The following NAALADL2 variants were observed in gnomAD, a reference collection of about 807,000 sequenced individuals.
The protein encoded by NAALADL2 is N-acetylated alpha-linked acidic dipeptidase like 2.
In NAALADL2, 76 loss-of-function variants were observed where a neutral mutation model predicts 87.2. That is an observed-to-expected ratio of 0.87 (90% CI 0.72 to 1.05). The LOEUF (loss-of-function observed/expected upper bound fraction) is 1.05. NAALADL2 is among the 50% of genes least tolerant of loss of function. The pLI is 0.00. For synonymous variants in NAALADL2, 354 were observed against 331.0 expected (o/e 1.07, Z -0.75); for missense variants, 1,089 against 945.8 (o/e 1.15, Z -1.99).
intron 1 of NAALADL2, among the ~76,000 whole-genome samples, chr3:174,999,546 G>A (rs1747954304): frequency 6.6e-6 from 1 of 152,084 alleles, no homozygotes; most frequent in African/African-American, 2.4e-5. Flanking sequence ...CCCTTAATTA[G>A]TGCCACTGTC....
intron 9 of NAALADL2, among the ~76,000 whole-genome samples, chr3:175,509,637 TA>T (rs1730853228): frequency 6.6e-6 from 1 of 152,192 alleles, no homozygotes; most frequent in Non-Finnish European, 1.5e-5. Flanking sequence ...ACTAACTACT[TA>T]AATGTTAAAT....
intron 1 of NAALADL2, among the ~76,000 whole-genome samples, chr3:174,444,212 A>T (rs915028989): frequency 1.3e-5 from 2 of 152,126 alleles, no homozygotes; most frequent in Admixed American, 1.3e-4. Context: ...AACAAGAGAG[A>T]CTATCTGTTG....
rs143175047 is a variant in NAALADL2 at position 175,656,053 on chromosome 3, C to T, written c.1896+28667C>T. 5.2e-3 allele frequency among the ~76,000 whole-genome samples: 795 copies of T among 152,260 alleles called. 7 individuals carry two copies. Among genetic ancestry groups the T allele is most frequent in the African/African-American group, 0.018 (760 of 41,552 alleles). On this transcript the variant is annotated intron_variant, in intron 11 of 13. Transcript: ENST00000454872. ...GGCTTATCTAATGTCCTTTGGCTAACGTCTCAAAGCTGGTTAATACTATAG... is the reference window on the plus strand; with the variant it reads ...GGCTTATCTAATGTCCTTTGGCTAATGTCTCAAAGCTGGTTAATACTATAG...
rs572515148 is a variant in NAALADL2, at chr3:174,939,165, A to G, written c.43+79715A>G. On this transcript the variant is annotated intron_variant, in intron 1 of 13. Transcript: ENST00000454872. ...GATTTTACTTTTAAGTCTTTAATCC[A>G]TCTTGGGTTGATTTTTGTATATGGT... Among the ~76,000 whole-genome samples the G allele has an allele frequency of 3.9e-5, 6 of 152,186 alleles. No homozygotes were observed. The South Asian group carries it at 1.0e-3, about 26-fold the overall frequency.
At chr3:174,526,974 C>A (rs1027233739) in intron 1 of NAALADL2, among the ~76,000 whole-genome samples, 22 of 152,000 alleles carry the variant, frequency 1.4e-4, no homozygotes, top group African/African-American at 4.4e-4. Context: ...CCGTGCCTGG[C>A]CTGAAATTTT....
chr3:174,462,475 A>G (rs1377372180), intron 1 of NAALADL2, among the ~76,000 whole-genome samples: 1 of 152,176 alleles, frequency 6.6e-6, no homozygotes, highest in Non-Finnish European at 1.5e-5. Context: ...TGCAGATACT[A>G]TGTATTTTTA....
intron 3 of NAALADL2, among the ~76,000 whole-genome samples, chr3:174,795,555 T>C (rs568735046): frequency 6.6e-6 from 1 of 152,278 alleles, no homozygotes; most frequent in African/African-American, 2.4e-5. Flanking sequence ...AGTATATATT[T>C]AGGAGTAGAA....
intron 2 of NAALADL2, among the ~76,000 whole-genome samples, chr3:175,207,205 G>T (rs1741073606): frequency 6.6e-6 from 1 of 152,046 alleles, no homozygotes; most frequent in Non-Finnish European, 1.5e-5. Flanking sequence ...ATTGTTGCAA[G>T]TATTTAAAGC....
intron 11 of NAALADL2, among the ~76,000 whole-genome samples, chr3:175,735,140 T>C (rs1309608764): frequency 2.0e-5 from 3 of 152,190 alleles, no homozygotes; most frequent in Non-Finnish European, 4.4e-5. Context: ...TCGACAAATC[T>C]CTAGGATGGG....
intron 5 of NAALADL2, among the ~76,000 whole-genome samples, chr3:175,444,503 T>G (rs1278336139): frequency 6.6e-6 from 1 of 152,152 alleles, no homozygotes; most frequent in Non-Finnish European, 1.5e-5. Flanking sequence ...GTACAACTAT[T>G]AGCATTCTTC....
intron 1 of NAALADL2, among the ~76,000 whole-genome samples, chr3:174,978,065 A>G (rs1490026335): frequency 6.6e-6 from 1 of 152,222 alleles, no homozygotes; most frequent in Non-Finnish European, 1.5e-5. Flanking sequence ...AGGAGGAAAC[A>G]AGCGTAGAAA....
intron 9 of NAALADL2, among the ~76,000 whole-genome samples, chr3:175,498,709 A>T (rs1263920877): frequency 2.6e-5 from 4 of 151,972 alleles, no homozygotes; most frequent in Admixed American, 6.6e-5. Flanking sequence ...CTTCCTGCTG[A>T]TTTACATTTT....
intron 3 of NAALADL2, among the ~76,000 whole-genome samples, chr3:174,816,238 C>G (rs957362634): frequency 1.8e-4 from 27 of 151,700 alleles, no homozygotes; most frequent in African/African-American, 6.0e-4. Context: ...TCCTCCTCTG[C>G]CTTCTCTCTC....
intron 11 of NAALADL2, among the ~76,000 whole-genome samples, chr3:175,666,104 T>G (rs1732952815): frequency 6.6e-6 from 1 of 152,150 alleles, no homozygotes; most frequent in African/African-American, 2.4e-5. Flanking sequence ...GAATAGAATC[T>G]AGATCTCCTG....
intron 2 of NAALADL2, among the ~76,000 whole-genome samples, chr3:175,132,465 G>A (rs1430438610): frequency 4.5e-5 from 1 of 22,402 alleles, no homozygotes; most frequent in East Asian, 2.1e-3. Flanking sequence ...CGGACGGGGC[G>A]GCTGGCTGGG....
intron 11 of NAALADL2, among the ~76,000 whole-genome samples, chr3:175,680,510 C>T (rs933008058): frequency 6.6e-6 from 1 of 152,154 alleles, no homozygotes; most frequent in Non-Finnish European, 1.5e-5. Context: ...TAGCTGGCTT[C>T]ATTTTTTAAA....
At chr3:174,982,002 C>T (rs943018090) in intron 1 of NAALADL2, among the ~76,000 whole-genome samples, 5 of 152,138 alleles carry the variant, frequency 3.3e-5, no homozygotes, top group Non-Finnish European at 5.9e-5. Flanking sequence ...CTTAAGAATA[C>T]GGTCACAACT....
intron 9 of NAALADL2, among the ~76,000 whole-genome samples, chr3:175,483,304 T>A (rs1726778449): frequency 6.6e-6 from 1 of 150,602 alleles, no homozygotes; most frequent in Non-Finnish European, 1.5e-5. Context: ...CAGATTTAAT[T>A]GCAATTGACT....
chr3:175,318,661 C>T (rs191934568), intron 4 of NAALADL2, among the ~76,000 whole-genome samples: 47 of 152,122 alleles, frequency 3.1e-4, no homozygotes, highest in African/African-American at 1.0e-3. Context: ...GCATATTTTG[C>T]ATACAGTAAA....
Sources: allele counts gnomAD v4.1 joint callset (sites outside exome capture counted in the v4.1 genomes callset), GRCh38; gene constraint gnomAD v4.1.1; transcripts MANE v1.5; gene names NCBI Gene and HGNC (gene_info 2026-07-23, HGNC 2026-07-21).